GRIN3A: variants seen among roughly 807,000 people sequenced by gnomAD.
GRIN3A encodes glutamate ionotropic receptor NMDA type subunit 3A, also known as glutamate receptor ionotropic, NMDA 3A.
Under a neutral mutation model 92.4 loss-of-function variants are expected in GRIN3A, and 47 were observed. The observed-to-expected ratio is 0.51, with a 90% CI of 0.40 to 0.65. The LOEUF is 0.65. GRIN3A is among the 30% of genes least tolerant of loss of function. The pLI is 0.00. For missense variants in GRIN3A, 1,324 were observed against 1,393.1 expected, an observed-to-expected ratio of 0.95 and a Z score of 0.79; for synonymous variants, 527 against 540.6, an observed-to-expected ratio of 0.97 and a Z score of 0.35.
chr9:101,631,587 C>G (rs1828715591), intron 3 of GRIN3A, among the ~76,000 whole-genome samples: 1 of 152,100 alleles, frequency 6.6e-6, no homozygotes, highest in South Asian at 2.1e-4. Context: ...ATCAGGGAAC[C>G]AGCAGACCCA....
chr9:101,721,783 A>G (rs980404880), intron 1 of GRIN3A, among the ~76,000 whole-genome samples: 2 of 152,166 alleles, frequency 1.3e-5, no homozygotes, highest in African/African-American at 4.8e-5. Flanking sequence ...GATTTAGGGT[A>G]TCTGGCCAGA....
intron 3 of GRIN3A, among the ~76,000 whole-genome samples, chr9:101,663,408 GC>G (rs1352864266): frequency 6.6e-6 from 1 of 151,774 alleles, no homozygotes; most frequent in African/African-American, 2.4e-5. Flanking sequence ...CAGGCACCTC[GC>G]ATGGTGCTTG....
chr9:101,644,742 C>T (rs1212655518), intron 3 of GRIN3A, among the ~76,000 whole-genome samples: 6 of 151,822 alleles, frequency 4.0e-5, no homozygotes, highest in Admixed American at 3.3e-4. Context: ...ATTCTATTGC[C>T]TTCTTCAGAA....
intron 1 of GRIN3A, among the ~76,000 whole-genome samples, chr9:101,689,411 T>A (rs1013881150): frequency 3.3e-5 from 5 of 152,150 alleles, no homozygotes; most frequent in African/African-American, 1.2e-4. Flanking sequence ...CTAATCATAT[T>A]GAGCATTTAG....
intron 1 of GRIN3A, among the ~76,000 whole-genome samples, chr9:101,702,832 A>G (rs1480005757): frequency 1.3e-5 from 2 of 152,180 alleles, no homozygotes; most frequent in Admixed American, 6.5e-5. Context: ...AGTCACCATG[A>G]CTGCACCATC....
intron 1 of GRIN3A, among the ~76,000 whole-genome samples, chr9:101,718,941 G>T (rs966796099): frequency 1.6e-4 from 24 of 152,262 alleles, no homozygotes; most frequent in African/African-American, 5.3e-4. Context: ...TTTTAAAAGT[G>T]AATTTATTTA....
chr9:101,690,535 A>G (rs1488477338), intron 1 of GRIN3A, among the ~76,000 whole-genome samples: 1 of 152,190 alleles, frequency 6.6e-6, no homozygotes, highest in African/African-American at 2.4e-5. Context: ...GAGAGGAGTC[A>G]CCAAGAAGTT....
At chr9:101,737,250 A>G in intron 1 of GRIN3A, 31 bp downstream of exon 1, 1 of 1,592,208 alleles carries the variant, frequency 6.3e-7, no homozygotes, top group Non-Finnish European at 8.6e-7. Flanking sequence ...AGCAGCGCCC[A>G]TCTCCACTCC....
chr9:101,681,654 A>T (rs1829467153), intron 2 of GRIN3A, among the ~76,000 whole-genome samples: 2 of 152,156 alleles, frequency 1.3e-5, no homozygotes, highest in African/African-American at 2.4e-5. Flanking sequence ...ATCTGAGAAG[A>T]GTTCATTATT....
At chr9:101,618,172 G>A (rs973038630) in intron 5 of GRIN3A, among the ~76,000 whole-genome samples, 3 of 150,450 alleles carry the variant, frequency 2.0e-5, no homozygotes, top group Admixed American at 2.0e-4. Flanking sequence ...GGCAACAAAA[G>A]ACAAAATTGA....
intron 1 of GRIN3A, among the ~76,000 whole-genome samples, chr9:101,702,003 TA>T (rs1829762258): frequency 6.6e-6 from 1 of 152,048 alleles, no homozygotes; most frequent in Non-Finnish European, 1.5e-5. Flanking sequence ...TGTGTATACT[TA>T]AAATCTTCAT....
At chr9:101,575,680 A>T (rs1235250145) in intron 8 of GRIN3A, among the ~76,000 whole-genome samples, 1 of 152,190 alleles carries the variant, frequency 6.6e-6, no homozygotes, top group African/African-American at 2.4e-5. Context: ...TCATTCATTT[A>T]TCTATTTGCT....
intron 8 of GRIN3A, among the ~76,000 whole-genome samples, chr9:101,576,033 A>G (rs1224937810): frequency 1.3e-5 from 2 of 152,198 alleles, no homozygotes; most frequent in Non-Finnish European, 2.9e-5. Context: ...GTGGGTACCT[A>G]TGAGTGCAAG....
At chr9:101,694,281 C>T (rs1437399012) in intron 1 of GRIN3A, among the ~76,000 whole-genome samples, 2 of 152,104 alleles carry the variant, frequency 1.3e-5, no homozygotes, top group African/African-American at 4.8e-5. Context: ...TTTTAAAGTC[C>T]ATTTTATACC....
At chr9:101,628,189 G>A (rs1004204682) in intron 4 of GRIN3A, 67 bp downstream of exon 4, 1 of 1,504,374 alleles carries the variant, frequency 6.6e-7, no homozygotes, top group African/African-American at 1.4e-5. Flanking sequence ...AACATATACT[G>A]CGTCAGTAGC....
intron 5 of GRIN3A, among the ~76,000 whole-genome samples, chr9:101,613,829 T>C (rs1828403516): frequency 1.3e-5 from 2 of 152,182 alleles, no homozygotes; most frequent in South Asian, 2.1e-4. Flanking sequence ...ATCTTTGAGG[T>C]CTTTATCAGG....
chr9:101,579,468 G>A (rs975514051), intron 6 of GRIN3A, 108 bp from the exon 7 acceptor site: 12 of 993,668 alleles, frequency 1.2e-5, no homozygotes, highest in Non-Finnish European at 1.7e-5. Context: ...TGGACTCAAG[G>A]ACAGCTGGAG....
chr9:101,724,594 C>T (rs1279794842), intron 1 of GRIN3A, among the ~76,000 whole-genome samples: 2 of 152,216 alleles, frequency 1.3e-5, no homozygotes, highest in African/African-American at 4.8e-5. Flanking sequence ...ACAAGTGCCG[C>T]CAAAGTGGGA....
intron 1 of GRIN3A, among the ~76,000 whole-genome samples, chr9:101,692,036 T>C (rs1211986109): frequency 6.6e-6 from 1 of 152,188 alleles, no homozygotes; most frequent in Non-Finnish European, 1.5e-5. Context: ...TAGTAGTTGT[T>C]ACAATTGACT....
Sources: gnomAD v4.1 joint callset for allele counts (sites outside exome capture counted in the v4.1 genomes callset) on GRCh38, gnomAD v4.1.1 for gene constraint, MANE v1.5 for transcripts, NCBI Gene and HGNC (gene_info 2026-07-23, HGNC 2026-07-21) for gene names.